IMMP2L: variants seen among roughly 807,000 people sequenced by gnomAD.
IMMP2L encodes mitochondrial inner membrane protease subunit 2.
Under a neutral mutation model 19.3 loss-of-function variants are expected in IMMP2L, and 18 were observed. The ratio of observed to expected loss-of-function variants is 0.93; its 90% CI spans 0.64 to 1.38. The LOEUF (loss-of-function observed/expected upper bound fraction) is 1.38, where lower values mean the gene tolerates loss of function less well. Ranked by LOEUF, IMMP2L falls within the 40% of genes most tolerant of loss-of-function variation. The pLI is 0.00. For synonymous variants in IMMP2L, 76 were observed against 73.0 expected, an observed-to-expected ratio of 1.04 and a Z score of -0.21; for missense variants, 233 against 218.2, an observed-to-expected ratio of 1.07 and a Z score of -0.43.
chr7:110,847,379 T>C (rs1338755891), intron 5 of IMMP2L, among the ~76,000 whole-genome samples: 1 of 152,204 alleles, frequency 6.6e-6, no homozygotes, highest in Non-Finnish European at 1.5e-5. Context: ...ATCTTAAATA[T>C]ATTTCTTTTA....
chr7:110,999,320 A>T (rs1373114952), intron 3 of IMMP2L, among the ~76,000 whole-genome samples: 237 of 67,190 alleles, frequency 3.5e-3, no homozygotes, highest in Middle Eastern at 0.019. Context: ...TTTTTTTCTC[A>T]TTTTCCATGG....
At chr7:111,242,135 C>G (rs930203070) in intron 3 of IMMP2L, among the ~76,000 whole-genome samples, 2 of 151,708 alleles carry the variant, frequency 1.3e-5, no homozygotes, top group African/African-American at 4.8e-5. Context: ...TATTAGTTTC[C>G]CTTACCATAA....
chr7:110,961,644 CCA>C lies in IMMP2L; in HGVS notation c.305+1854_305+1855del, dbSNP rs375920308. Among the ~76,000 whole-genome samples, 404 of 151,546 alleles carry C rather than the reference CCA, an allele frequency of 2.7e-3. 1 individual carries two copies. The highest frequency in any genetic ancestry group is 9.3e-3 in the African/African-American group (385 of 41,342). ...ACCTGTAGAATTACTCATAATATCC[CCA>C]CACTGGAAACAATCCTAATATGCAT... is the stretch of plus-strand genomic sequence containing the variant. On this transcript the variant is annotated intron_variant, in intron 4 of 5. Coordinates refer to ENST00000405709, the MANE Select transcript of IMMP2L (RefSeq NM_032549.4).
chr7:111,060,649 C>T (rs1793934737), intron 3 of IMMP2L, among the ~76,000 whole-genome samples: 1 of 152,160 alleles, frequency 6.6e-6, no homozygotes, highest in South Asian at 2.1e-4. Flanking sequence ...GGAGATAATT[C>T]AGTATCCATC....
intron 2 of IMMP2L, among the ~76,000 whole-genome samples, chr7:111,507,599 C>A (rs1036821922): frequency 6.6e-6 from 1 of 152,124 alleles, no homozygotes; most frequent in Non-Finnish European, 1.5e-5. Context: ...ATTACCAGCC[C>A]CAAACTGCCA....
chr7:111,542,801 T>C (rs1478149746), intron 1 of IMMP2L, among the ~76,000 whole-genome samples: 1 of 152,132 alleles, frequency 6.6e-6, no homozygotes, highest in African/African-American at 2.4e-5. Context: ...CATCAATTAA[T>C]AAAAAATATT....
intron 3 of IMMP2L, among the ~76,000 whole-genome samples, chr7:111,030,882 GTGTATATATA>G (rs1251172496): frequency 2.3e-3 from 119 of 50,752 alleles, no homozygotes; most frequent in Admixed American, 0.01. Context: ...GTGTGTGTGT[GTGTATATATA>G]TATATATATA....
intron 5 of IMMP2L, among the ~76,000 whole-genome samples, chr7:110,825,011 T>C (rs921784071): frequency 1.2e-4 from 18 of 152,106 alleles, no homozygotes; most frequent in African/African-American, 3.9e-4. Context: ...ACAAAATCAA[T>C]GTGCAAAAAT....
intron 3 of IMMP2L, among the ~76,000 whole-genome samples, chr7:111,210,242 TG>T (rs1402986417): frequency 2.0e-5 from 3 of 152,238 alleles, no homozygotes; most frequent in Non-Finnish European, 4.4e-5. Context: ...GAGAATTAAT[TG>T]ATTAGTTGGC....
chr7:111,322,896 C>T (rs978465105), intron 3 of IMMP2L, among the ~76,000 whole-genome samples: 2 of 150,962 alleles, frequency 1.3e-5, no homozygotes, highest in Non-Finnish European at 3.0e-5. Context: ...CTACGTCTCC[C>T]AGCTTTGTTC....
Position 111,482,623 on chromosome 7 carries a change from G to T in IMMP2L, c.239+4615C>A, listed in dbSNP as rs76505013. ...CTTGTAGTCATGACCCAAGTATGTG[G>T]TTCCAAGAAACTAAAAAAAAACCCA... On this transcript the variant is annotated intron_variant, in intron 3 of 5. Transcript: ENST00000405709. Among the ~76,000 whole-genome samples, 853 of 152,026 alleles carry T rather than the reference G, an allele frequency of 5.6e-3. 13 individuals are homozygous for T. The highest frequency in any genetic ancestry group is 0.019 in the African/African-American group (787 of 41,458).
chr7:111,180,214 T>C lies in IMMP2L; in HGVS notation c.240-216649A>G, dbSNP rs1807550722. Among the ~76,000 whole-genome samples the C allele has an allele frequency of 3.3e-5, 5 of 152,088 alleles. No individual in the cohort carries two copies. In the South Asian group the frequency reaches 1.0e-3, roughly 32 times the overall value. On this transcript the variant is annotated intron_variant, in intron 3 of 5. Transcript: ENST00000405709. ...TAGCTTATGAACTATCTCAATTTTT[T>C]ACATGCTTTCCTCACTAAAATTAAT... is the stretch of plus-strand genomic sequence containing the variant.
At position 111,355,626 on chromosome 7, in the gene IMMP2L, G is replaced by C. The variant is rs541659748; in HGVS notation, c.239+131612C>G. ...AAAAAAACAGGGAAAAAATAGAATA[G>C]AAAAACCTTCTGGTCACTCATAAGA... On this transcript the variant is annotated intron_variant, in intron 3 of 5. Coordinates refer to ENST00000405709, the MANE Select transcript of IMMP2L (RefSeq NM_032549.4). 2.5e-3 allele frequency among the ~76,000 whole-genome samples: 376 copies of C among 151,868 alleles called. 3 individuals carry two copies. The highest frequency in any genetic ancestry group is 8.6e-3 in the African/African-American group (358 of 41,514).
intron 5 of IMMP2L, among the ~76,000 whole-genome samples, chr7:110,879,249 G>T (rs563478094): frequency 7.2e-5 from 11 of 152,090 alleles, no homozygotes; most frequent in African/African-American, 2.7e-4. Context: ...AAATTAGCCT[G>T]CTGTGGTGTG....
intron 5 of IMMP2L, among the ~76,000 whole-genome samples, chr7:110,839,342 C>A (rs925667986): frequency 6.6e-6 from 1 of 152,040 alleles, no homozygotes; most frequent in Non-Finnish European, 1.5e-5. Flanking sequence ...AAAAAAAAGT[C>A]TATTAGGATA....
At chr7:110,952,936 T>C (rs138342496) in intron 4 of IMMP2L, among the ~76,000 whole-genome samples, 2 of 152,234 alleles carry the variant, frequency 1.3e-5, no homozygotes, top group Non-Finnish European at 2.9e-5. Flanking sequence ...TACCCAATAA[T>C]ATAGTCATGA....
intron 4 of IMMP2L, among the ~76,000 whole-genome samples, chr7:110,948,185 T>TA (rs756462828): frequency 6.6e-6 from 1 of 152,164 alleles, no homozygotes; most frequent in Admixed American, 6.5e-5. Context: ...ATACTTTTTT[T>TA]AAAAAATAGA....
chr7:110,886,713 A>G lies in IMMP2L; in HGVS notation c.306-18T>C, dbSNP rs1480859251. The G allele has an allele frequency of 4.1e-6, 5 of 1,223,658 alleles. No homozygotes were observed. Among genetic ancestry groups the G allele is most frequent in the East Asian group, 4.7e-5 (2 of 43,000 alleles). 75.8% of individuals were successfully genotyped at this position (1,223,658 alleles called of 1,614,324 possible). On this transcript the variant is annotated intron_variant, in intron 4 of 5. Transcript: ENST00000405709. Reference sequence around the variant, plus strand: ...CTATGGTTCTGGAAATAAACAGTGTAACCACTGAGATATGAGTAGAAAAGA... The same window carrying G: ...CTATGGTTCTGGAAATAAACAGTGTGACCACTGAGATATGAGTAGAAAAGA...
At chr7:111,239,420 T>A (rs1292660833) in intron 3 of IMMP2L, among the ~76,000 whole-genome samples, 1 of 151,872 alleles carries the variant, frequency 6.6e-6, no homozygotes, top group African/African-American at 2.4e-5. Flanking sequence ...AATTTAATGC[T>A]CTCATACTTA....
Sources: gnomAD v4.1 joint callset for allele counts (sites outside exome capture counted in the v4.1 genomes callset) on GRCh38, gnomAD v4.1.1 for gene constraint, MANE v1.5 for transcripts, NCBI Gene and HGNC (gene_info 2026-07-23, HGNC 2026-07-21) for gene names.